F2RL3: variants seen among roughly 807,000 people sequenced by gnomAD.
F2RL3 encodes the protein proteinase-activated receptor 4.
Under a neutral mutation model 4.9 loss-of-function variants are expected in F2RL3, and 3 were observed. That is an observed-to-expected ratio of 0.61 (90% CI 0.28 to 1.58). The LOEUF (loss-of-function observed/expected upper bound fraction) is 1.58. Ranked by LOEUF, F2RL3 falls within the 40% of genes most tolerant of loss-of-function variation. F2RL3 has a pLI of 0.11. For synonymous variants in F2RL3, 284 were observed against 278.4 expected, an observed-to-expected ratio of 1.02 and a Z score of -0.20; for missense variants, 564 against 550.4, an observed-to-expected ratio of 1.02 and a Z score of -0.25.
rs1568435367 is a variant in F2RL3 at position 16,890,318 on chromosome 19, CGCA to C, written c.857_859del (p.Ala286del). 1.3e-6 allele frequency: 2 copies of C among 1,583,110 alleles called. No homozygotes were observed. The highest frequency in any genetic ancestry group is 1.7e-6 in the Non-Finnish European group (2 of 1,170,056). On this transcript the variant is annotated inframe_deletion, in exon 2 of 2. Transcript: ENST00000248076. ...GCTACGGCCACGCGCTGAGGCTGAC[CGCA>C]GTGGTGCTGGCCTCCGCCGTGGCCT...
In F2RL3 at chr19:16,889,647, G is replaced by A; in HGVS notation, c.184G>A (p.Glu62Lys). The change falls in exon 2 of 2, where the codon GAG (glutamate) becomes AAG (lysine). Residue 62 changes from glutamate to lysine, a missense_variant. Coordinates refer to ENST00000248076, the MANE Select transcript of F2RL3 (RefSeq NM_003950.4). ...CTGTGCCAATGACAGTGACACCCTG[G>A]AGCTCCCGGACAGCTCACGGGCACT... ...QVCANDSDTL[E>K]LPDSSRALLL... is the part of the protein sequence containing the mutation. 1.2e-6 allele frequency: 2 copies of A among 1,609,670 alleles called. No individual in the cohort carries two copies. Among genetic ancestry groups the A allele is most frequent in the Non-Finnish European group, 1.7e-6 (2 of 1,178,848 alleles).
In F2RL3 at chr19:16,889,734, G is replaced by C; in HGVS notation, c.271G>C (p.Gly91Arg). 6.2e-7 allele frequency: 1 copy of C among 1,603,538 alleles called. No individual in the cohort carries two copies. The highest frequency in any genetic ancestry group is 8.5e-7 in the Non-Finnish European group (1 of 1,179,156). The change falls in exon 2 of 2, where the codon GGG becomes CGG. Residue 91 changes from glycine (G) to arginine (R), a missense_variant. Physicochemically the swap from Gly to Arg is moderately radical, Grantham distance 125. Coordinates refer to ENST00000248076, the MANE Select transcript of F2RL3 (RefSeq NM_003950.4). ...CCTCTATGGGCTGGTCCTGGTGGTG[G>C]GGCTGCCGGCCAATGGGCTGGCGCT... ...PALYGLVLVV[G>R]LPANGLALWV... is the part of the protein sequence containing the mutation.
At position 16,890,676 on chromosome 19, in the gene F2RL3, G is replaced by A. The variant is rs555898259; in HGVS notation, c.*55G>A. On this transcript the variant is annotated 3_prime_UTR_variant, in exon 2 of 2. Transcript: ENST00000248076. Reference sequence around the variant, plus strand: ...AACAGGGTCCCTTCCCCCACTTCACGTCCTTCCTGGGACCTCAGAATGTGA... The same window carrying A: ...AACAGGGTCCCTTCCCCCACTTCACATCCTTCCTGGGACCTCAGAATGTGA... 1.6e-5 allele frequency: 20 copies of A among 1,277,026 alleles called. No homozygotes were observed. In the East Asian group the frequency reaches 2.5e-4, roughly 16 times the overall value. 79.1% of individuals were successfully genotyped at this position (1,277,026 alleles called of 1,614,324 possible).
chr19:16,891,647 A>C lies in F2RL3; in HGVS notation c.*1026A>C, dbSNP rs2051793795. 1 of 152,002 alleles carries C rather than the reference A, an allele frequency of 6.6e-6. No individual in the cohort carries two copies. Among genetic ancestry groups the C allele is most frequent in the Non-Finnish European group, 1.5e-5 (1 of 68,060 alleles). 9.4% of individuals were successfully genotyped at this position (152,002 alleles called of 1,614,324 possible). ...GTACTGGGGAGGTGCCCACCCAGCT[A>C]CTGGGGAGGCTGAGTCAGGAGAATC... On this transcript the variant is annotated 3_prime_UTR_variant, in exon 2 of 2. Transcript: ENST00000248076.
chr19:16,889,601 C>T lies in F2RL3; in HGVS notation c.138C>T (p.Pro46=), dbSNP rs1262094399. The T allele has an allele frequency of 1.3e-6, 2 of 1,590,484 alleles. No individual in the cohort carries two copies. Among genetic ancestry groups the T allele is most frequent in the African/African-American group, 1.3e-5 (1 of 74,574 alleles). ...DDSTPSILPA[P]RGYPGQVCAN... is the part of the protein sequence containing the mutation. ...GCACGCCCTCAATCCTGCCTGCCCC[C>T]CGCGGCTACCCAGGCCAAGTCTGTG... The change falls in exon 2 of 2, where the codon CCC becomes CCT. Residue 46 remains proline (P), a synonymous_variant. Transcript: ENST00000248076.
In F2RL3 at chr19:16,890,011, G is replaced by A. The variant is rs775809898; in HGVS notation, c.548G>A (p.Arg183Gln). Residue 183 changes from arginine (R) to glutamine (Q), a missense_variant, in exon 2 of 2, where the codon CGG becomes CAG. By Grantham distance (43) the Arg-to-Gln change is conservative. Transcript: ENST00000248076. ...TACCTGGCCCTGGTGCACCCGCTGC[G>A]GGCCCGCGCCCTGCGTGGCCGGCGC... ...DRYLALVHPLRARALRGRRLA... is the reference protein window; with the variant it reads ...DRYLALVHPLQARALRGRRLA... The A allele has an allele frequency of 6.6e-5, 105 of 1,597,554 alleles. No homozygotes were observed. Among genetic ancestry groups the A allele is most frequent in the African/African-American group, 8.0e-5 (6 of 74,842 alleles).
At chr19:16,889,344 G>C in intron 1 of F2RL3, 46 bp downstream of exon 1, 1 of 1,494,912 alleles carries the variant, frequency 6.7e-7, no homozygotes, top group Non-Finnish European at 9.1e-7. Flanking sequence ...TTACATCAGA[G>C]ATGGAGCTGG....
Position 16,890,295 on chromosome 19 carries a change from T to C in F2RL3, c.832T>C (p.Tyr278His), listed in dbSNP as rs1159665372. 5 of 1,564,674 alleles carry C rather than the reference T, an allele frequency of 3.2e-6. No homozygotes were observed. In the African/African-American group the frequency reaches 6.8e-5, roughly 21 times the overall value. ...LHTLAASGRRYGHALRLTAVV... is the reference protein window; with the variant it reads ...LHTLAASGRRHGHALRLTAVV... ...CACGCTGGCGGCCAGCGGCCGGCGC[T>C]ACGGCCACGCGCTGAGGCTGACCGC... The change falls in exon 2 of 2, where the codon TAC becomes CAC. Residue 278 changes from tyrosine (Y) to histidine (H), a missense_variant. By Grantham distance (83) the Tyr-to-His change is moderately conservative. Transcript: ENST00000248076.
intron 1 of F2RL3, 77 bp from the exon 2 acceptor site, chr19:16,889,496 C>A: frequency 2.2e-6 from 3 of 1,382,070 alleles, no homozygotes; most frequent in Non-Finnish European, 3.0e-6. Flanking sequence ...AGACCCCAGG[C>A]TCTGAGCACC....
chr19:16,889,576 G>C lies in F2RL3; in HGVS notation c.113G>C (p.Ser38Thr). 1 of 1,568,278 alleles carries C rather than the reference G, an allele frequency of 6.4e-7. No individual in the cohort carries two copies. Among genetic ancestry groups the C allele is most frequent in the Non-Finnish European group, 8.6e-7 (1 of 1,156,406 alleles). Reference sequence around the variant, plus strand: ...TGAGGTCCCCTCTCTCTCCCAGACAGCACGCCCTCAATCCTGCCTGCCCCC... The same window carrying C: ...TGAGGTCCCCTCTCTCTCCCAGACACCACGCCCTCAATCCTGCCTGCCCCC... Reference protein sequence around the residue: ...ESGSTGGGDDSTPSILPAPRG... With the variant: ...ESGSTGGGDDTTPSILPAPRG... Residue 38 changes from serine (S) to threonine (T), a missense_variant, in exon 2 of 2, where the codon AGC becomes ACC. By Grantham distance (58) the Ser-to-Thr change is moderately conservative (BLOSUM62 1). Transcript: ENST00000248076.
Position 16,889,624 on chromosome 19 carries a change from G to A in F2RL3, c.161G>A (p.Cys54Tyr), listed in dbSNP as rs377624120. Residue 54 changes from cysteine to tyrosine, a missense_variant, in exon 2 of 2, where the codon TGT (cysteine) becomes TAT (tyrosine). Transcript: ENST00000248076. ...CCCCGCGGCTACCCAGGCCAAGTCT[G>A]TGCCAATGACAGTGACACCCTGGAG... ...PAPRGYPGQV[C>Y]ANDSDTLELP... 1.7e-5 allele frequency: 27 copies of A among 1,606,562 alleles called. No individual in the cohort carries two copies. The South Asian group carries it at 2.9e-4, about 17-fold the overall frequency.
Position 16,890,003 on chromosome 19 carries a change from C to T in F2RL3, c.540C>T (p.His180=), listed in dbSNP as rs914271746. The change falls in exon 2 of 2, where the codon CAC becomes CAT. Residue 180 remains histidine, a synonymous_variant. Transcript: ENST00000248076. ...TGGATCGCTACCTGGCCCTGGTGCA[C>T]CCGCTGCGGGCCCGCGCCCTGCGTG... ...VSLDRYLALV[H]PLRARALRGR... is the part of the protein sequence containing the mutation. 6.9e-6 allele frequency: 11 copies of T among 1,598,108 alleles called. No individual in the cohort carries two copies. The highest frequency in any genetic ancestry group is 9.3e-6 in the Non-Finnish European group (11 of 1,176,786).
At position 16,889,795 on chromosome 19, in the gene F2RL3, C is replaced by T; in HGVS notation, c.332C>T (p.Ser111Phe). 1.3e-6 allele frequency: 2 copies of T among 1,599,358 alleles called. No homozygotes were observed. Among genetic ancestry groups the T allele is most frequent in the Non-Finnish European group, 1.7e-6 (2 of 1,178,660 alleles). ...VLATQAPRLP[S>F]TMLLMNLAAA... ...GCCACGCAGGCACCTCGGCTGCCCT[C>T]CACCATGCTGCTGATGAACCTCGCG... Residue 111 changes from serine (S) to phenylalanine (F), a missense_variant, in exon 2 of 2, where the codon TCC (serine) becomes TTC (phenylalanine). By Grantham distance (155) the Ser-to-Phe change is radical. Coordinates refer to ENST00000248076, the MANE Select transcript of F2RL3 (RefSeq NM_003950.4).
At position 16,889,684 on chromosome 19, in the gene F2RL3, G is replaced by A. The variant is rs746258527; in HGVS notation, c.221G>A (p.Trp74Ter). 2 of 1,609,514 alleles carry A rather than the reference G, an allele frequency of 1.2e-6. No individual in the cohort carries two copies. The highest frequency in any genetic ancestry group is 1.7e-6 in the Non-Finnish European group (2 of 1,179,652). ...AGCTCACGGGCACTGCTTCTGGGCT[G>A]GGTGCCCACCAGGCTGGTGCCCGCC... is the stretch of plus-strand genomic sequence containing the variant. Reference protein sequence around the residue: ...PDSSRALLLGWVPTRLVPALY... With the variant: ...PDSSRALLLG The change falls in exon 2 of 2, where the codon TGG becomes TAG. Residue 74 changes from tryptophan to a stop codon, truncating the protein, a stop_gained. Transcript: ENST00000248076. LOFTEE classifies it low-confidence loss of function (END_TRUNC).
rs766755673 is a variant in F2RL3 at position 16,890,430 on chromosome 19, G to A, written c.967G>A (p.Val323Met). The change falls in exon 2 of 2, where the codon GTG (valine) becomes ATG (methionine). Residue 323 changes from valine (V) to methionine (M), a missense_variant. Val to Met is a conservative substitution (Grantham distance 21). Transcript: ENST00000248076. ...SAWGNLYGAY[V>M]PSLALSTLNS... ...CTGGGGCAACCTCTATGGTGCCTAC[G>A]TGCCCAGCCTGGCGCTGAGCACCCT... The A allele has an allele frequency of 7.4e-6, 12 of 1,612,286 alleles. No individual in the cohort carries two copies. Among genetic ancestry groups the A allele is most frequent in the East Asian group, 4.5e-5 (2 of 44,862 alleles).
chr19:16,889,978 TG>T lies in F2RL3; in HGVS notation c.517del (p.Asp173IlefsTer39). The T allele has an allele frequency of 2.5e-6, 4 of 1,597,592 alleles. No homozygotes were observed. Among genetic ancestry groups the T allele is most frequent in the Non-Finnish European group, 3.4e-6 (4 of 1,175,862 alleles). ...GTGCTGCTGCTGGCCGCCGTCAGCCTGGATCGCTACCTGGCCCTGGTGCACC... is the reference window on the plus strand; with the variant it reads ...GTGCTGCTGCTGGCCGCCGTCAGCCTGATCGCTACCTGGCCCTGGTGCACC... ...GSVLLLAAVS[L>X]DRYLALVHPL... On this transcript the variant is annotated frameshift_variant, in exon 2 of 2. Coordinates refer to ENST00000248076, the MANE Select transcript of F2RL3 (RefSeq NM_003950.4). LOFTEE classifies it low-confidence loss of function (END_TRUNC).
Position 16,890,654 on chromosome 19 carries a change from A to G in F2RL3, c.*33A>G, listed in dbSNP as rs1247934453. Reference sequence around the variant, plus strand: ...TGGGGAAGGCTGTACTGGGTCGAACAGGGTCCCTTCCCCCACTTCACGTCC... The same window carrying G: ...TGGGGAAGGCTGTACTGGGTCGAACGGGGTCCCTTCCCCCACTTCACGTCC... On this transcript the variant is annotated 3_prime_UTR_variant, in exon 2 of 2. Transcript: ENST00000248076. 1.4e-6 allele frequency: 2 copies of G among 1,461,150 alleles called. No individual in the cohort carries two copies. Among genetic ancestry groups the G allele is most frequent in the Non-Finnish European group, 9.2e-7 (1 of 1,085,774 alleles). The allele number at this position is 1,461,150 out of a possible 1,614,324, so 90.5% of individuals were successfully genotyped here. A position where few individuals can be genotyped will look rare whatever the true frequency, so the allele number is the denominator to read the frequency against.
At chr19:16,889,448 T>C in intron 1 of F2RL3, 125 bp from the exon 2 acceptor site, 5 of 1,178,838 alleles carry the variant, frequency 4.2e-6, no homozygotes, top group Non-Finnish European at 6.0e-6. Context: ...GCTGGGCTAT[T>C]CCCTTGAGTG....
In F2RL3 at chr19:16,890,580, G is replaced by A; in HGVS notation, c.1117G>A (p.Gly373Ser). The A allele has an allele frequency of 6.3e-7, 1 of 1,590,990 alleles. No homozygotes were observed. The highest frequency in any genetic ancestry group is 2.3e-5 in the East Asian group (1 of 44,138). The change falls in exon 2 of 2, where the codon GGC becomes AGC. Residue 373 changes from glycine (G) to serine (S), a missense_variant. Gly to Ser is a moderately conservative substitution (Grantham distance 56). Coordinates refer to ENST00000248076, the MANE Select transcript of F2RL3 (RefSeq NM_003950.4). ...GGCCTCCAAGGCCTCTGCGGAAGGG[G>A]GCAGCCGGGGCATGGGCACCCACTC... ...TVASKASAEG[G>S]SRGMGTHSSL...
Sources: gnomAD v4.1 joint callset for allele counts on GRCh38, gnomAD v4.1.1 for gene constraint, MANE v1.5 for transcripts, NCBI Gene and HGNC (gene_info 2026-07-23, HGNC 2026-07-21) for gene names.